The following ANKFN1 variants were observed in gnomAD, a reference collection of about 807,000 sequenced individuals.
ANKFN1 encodes ankyrin repeat and fibronectin type-III domain-containing protein 1.
Under a neutral mutation model 108.7 loss-of-function variants are expected in ANKFN1, and 74 were observed. The observed-to-expected ratio is 0.68, with a 90% CI of 0.56 to 0.83. ANKFN1 has a LOEUF of 0.83. Among genes scored for constraint, ANKFN1 ranks in the 40% least tolerant of loss-of-function variants. The pLI is 0.00. For synonymous variants in ANKFN1, 547 were observed against 516.2 expected (o/e 1.06, Z -0.81); for missense variants, 1,505 against 1,382.3 (o/e 1.09, Z -1.41).
At chr17:56,316,933 G>A (rs1045706146) in intron 3 of ANKFN1, among the ~76,000 whole-genome samples, 1 of 152,146 alleles carries the variant, frequency 6.6e-6, no homozygotes, top group Non-Finnish European at 1.5e-5. Context: ...AATGAGTGAG[G>A]CACATCTACA....
chr17:56,371,082 AAG>A (rs1216686115), intron 6 of ANKFN1, among the ~76,000 whole-genome samples: 1 of 152,100 alleles, frequency 6.6e-6, no homozygotes, highest in African/African-American at 2.4e-5. Context: ...TGCTCAGTGA[AAG>A]AGTTTTTTAG....
chr17:56,475,549 A>G (rs1214725530), intron 15 of ANKFN1, among the ~76,000 whole-genome samples: 1 of 152,098 alleles, frequency 6.6e-6, no homozygotes, highest in African/African-American at 2.4e-5. Flanking sequence ...TTGTTTTCTC[A>G]CCTTCCCTGA....
chr17:56,087,774 T>G (rs939717336), intron 4 of ANKFN1, among the ~76,000 whole-genome samples: 1 of 151,408 alleles, frequency 6.6e-6, no homozygotes, highest in Non-Finnish European at 1.5e-5. Flanking sequence ...CTTTATTAAG[T>G]GAGCCATGCT....
chr17:56,385,448 A>C (rs1340234396), intron 8 of ANKFN1, among the ~76,000 whole-genome samples: 1 of 152,200 alleles, frequency 6.6e-6, no homozygotes, highest in Non-Finnish European at 1.5e-5. Context: ...AGCAATGGCA[A>C]CAAAAGTCAA....
At chr17:56,179,142 C>T (rs1387365722) in intron 1 of ANKFN1, among the ~76,000 whole-genome samples, 1 of 152,056 alleles carries the variant, frequency 6.6e-6, no homozygotes, top group African/African-American at 2.4e-5. Flanking sequence ...AAATCCATAC[C>T]AACTTTATTT....
At chr17:56,358,258 A>G (rs2046424346) in intron 6 of ANKFN1, among the ~76,000 whole-genome samples, 1 of 152,210 alleles carries the variant, frequency 6.6e-6, no homozygotes, top group Non-Finnish European at 1.5e-5. Flanking sequence ...ATCCTCACAC[A>G]ATTCAGAAGA....
chr17:56,130,291 G>A (rs1422668984), intron 4 of ANKFN1, among the ~76,000 whole-genome samples: 5 of 152,174 alleles, frequency 3.3e-5, no homozygotes, highest in Non-Finnish European at 7.3e-5. Context: ...GGTAGCTAGT[G>A]GCTGCGATAT....
intron 8 of ANKFN1, among the ~76,000 whole-genome samples, chr17:56,376,403 G>GC (rs2046949610): frequency 6.6e-6 from 1 of 152,062 alleles, no homozygotes; most frequent in Non-Finnish European, 1.5e-5. Flanking sequence ...ACCCAGGATG[G>GC]CCCCCCACAG....
intron 1 of ANKFN1, among the ~76,000 whole-genome samples, chr17:56,163,737 C>T (rs1186228430): frequency 6.6e-6 from 1 of 152,204 alleles, no homozygotes; most frequent in African/African-American, 2.4e-5. Flanking sequence ...TTTAGCTCTA[C>T]CTAATAGTGT....
At chr17:56,368,046 GA>G in intron 6 of ANKFN1, 2 of 486,176 alleles carry the variant, frequency 4.1e-6, no homozygotes, top group South Asian at 4.9e-5. Flanking sequence ...TAAGGAAGTT[GA>G]AAATAGCCCC....
intron 4 of ANKFN1, among the ~76,000 whole-genome samples, chr17:56,099,178 T>C (rs1048440168): frequency 2.0e-5 from 3 of 152,210 alleles, no homozygotes; most frequent in Non-Finnish European, 4.4e-5. Context: ...AAGTGGTTCC[T>C]ATTTAAGTAC....
chr17:56,250,020 G>A (rs1009977879), intron 3 of ANKFN1, among the ~76,000 whole-genome samples: 3 of 152,070 alleles, frequency 2.0e-5, no homozygotes, highest in South Asian at 2.1e-4. Flanking sequence ...AGGTAAAGAC[G>A]TTGGAGCCCC....
chr17:56,353,723 C>T (rs1003151354), intron 5 of ANKFN1, 113 bp from the exon 6 acceptor site: 3 of 863,262 alleles, frequency 3.5e-6, no homozygotes. Context: ...GTAGTTATTC[C>T]ACTTATAAGT....
At chr17:56,335,205 CT>C (rs1340516358) in intron 4 of ANKFN1, among the ~76,000 whole-genome samples, 1 of 152,094 alleles carries the variant, frequency 6.6e-6, no homozygotes, top group Non-Finnish European at 1.5e-5. Flanking sequence ...AATGCGGGCT[CT>C]TTTTTGGTTC....
intron 4 of ANKFN1, among the ~76,000 whole-genome samples, chr17:56,131,897 TC>T (rs1371423533): frequency 3.3e-5 from 5 of 152,182 alleles, no homozygotes; most frequent in African/African-American, 1.2e-4. Context: ...TTATAGTGAA[TC>T]TTTGATCATA....
At chr17:56,179,528 T>C (rs1199322744) in intron 1 of ANKFN1, among the ~76,000 whole-genome samples, 1 of 152,194 alleles carries the variant, frequency 6.6e-6, no homozygotes, top group Admixed American at 6.5e-5. Flanking sequence ...CAAGAGCCAT[T>C]TGTAGGGCAG....
chr17:56,288,683 A>G (rs1330950391), intron 3 of ANKFN1, among the ~76,000 whole-genome samples: 2 of 152,196 alleles, frequency 1.3e-5, no homozygotes, highest in African/African-American at 2.4e-5. Context: ...AATGCTAGGA[A>G]ATAACAAATA....
chr17:56,161,765 G>GT (rs200136518), intron 1 of ANKFN1, among the ~76,000 whole-genome samples: 5,710 of 151,094 alleles, frequency 0.038, 126 homozygotes, highest in Middle Eastern at 0.082. Flanking sequence ...TTAGATTTCA[G>GT]TAAAAAAAAA....
At chr17:56,481,512 GCA>G (rs987479049) in intron 17 of ANKFN1, among the ~76,000 whole-genome samples, 2 of 101,108 alleles carry the variant, frequency 2.0e-5, no homozygotes, top group Admixed American at 1.2e-4. Context: ...ACACACACAC[GCA>G]CACACACACA....
Sources: gnomAD v4.1 joint callset for allele counts (sites outside exome capture counted in the v4.1 genomes callset) on GRCh38, gnomAD v4.1.1 for gene constraint, MANE v1.5 for transcripts, NCBI Gene and HGNC (gene_info 2026-07-23, HGNC 2026-07-21) for gene names.